ESRRB: variants seen among roughly 807,000 people sequenced by gnomAD.
ESRRB encodes the protein estrogen related receptor beta.
ESRRB carries 16 observed loss-of-function variants against 46.0 expected under a neutral mutation model. That is an observed-to-expected ratio of 0.35 (90% CI 0.24 to 0.53). The LOEUF (loss-of-function observed/expected upper bound fraction) is 0.53. Ranked by LOEUF, ESRRB falls within the 20% of genes least tolerant of loss-of-function variation. ESRRB has a pLI of 0.93. For synonymous variants in ESRRB, 246 were observed against 259.6 expected (o/e 0.95, Z 0.50); for missense variants, 488 against 607.4 (o/e 0.80, Z 2.07).
intron 1 of ESRRB, chr14:76,404,397 A>G (rs1311999692): frequency 6.6e-6 from 1 of 151,612 alleles, no homozygotes; most frequent in African/African-American, 2.4e-5. Context: ...TCCCACCAGA[A>G]TAAAAGTTTC....
intron 1 of ESRRB, among the ~76,000 whole-genome samples, chr14:76,334,402 G>A (rs1441117798): frequency 6.6e-6 from 1 of 152,182 alleles, no homozygotes; most frequent in Non-Finnish European, 1.5e-5. Context: ...AGGGCCCAGT[G>A]TACCCCTCCG....
intron 3 of ESRRB, among the ~76,000 whole-genome samples, chr14:76,468,205 C>T (rs1411153875): frequency 6.6e-6 from 1 of 151,806 alleles, no homozygotes; most frequent in Non-Finnish European, 1.5e-5. Flanking sequence ...TTTTTCTGGC[C>T]CTGTGAATGA....
chr14:76,414,475 A>G (rs1311904388), intron 1 of ESRRB, among the ~76,000 whole-genome samples: 1 of 151,076 alleles, frequency 6.6e-6, no homozygotes. Context: ...GAGGGCCCTG[A>G]GTTGTGCCCC....
intron 6 of ESRRB, among the ~76,000 whole-genome samples, chr14:76,494,263 C>G (rs1890336395): frequency 6.6e-6 from 1 of 151,266 alleles, no homozygotes; most frequent in African/African-American, 2.4e-5. Flanking sequence ...TTAGAGAATC[C>G]TAATGCTGTT....
rs559852386 is a variant in ESRRB, at chr14:76,500,158, G to T, written c.*1700G>T. ...CCGGCCTGGGCTTCTGGGCTGGGAC[G>T]TGCTGAGGTCATCCCAGACAGGAGG... is the stretch of plus-strand genomic sequence containing the variant. On this transcript the variant is annotated 3_prime_UTR_variant, in exon 7 of 7. Coordinates refer to ENST00000644823, the MANE Select transcript of ESRRB (RefSeq NM_001379180.1). 1 of 1,084,384 alleles carries T rather than the reference G, an allele frequency of 9.2e-7. No homozygotes were observed. Among genetic ancestry groups the T allele is most frequent in the African/African-American group, 1.6e-5 (1 of 63,404 alleles). The allele number at this position is 1,084,384 out of a possible 1,614,324, so 67.2% of individuals were successfully genotyped here. A position where few individuals can be genotyped will look rare whatever the true frequency, so the allele number is the denominator to read the frequency against.
chr14:76,493,661 C>T (rs892304443), intron 6 of ESRRB, among the ~76,000 whole-genome samples: 1 of 152,220 alleles, frequency 6.6e-6, no homozygotes, highest in Non-Finnish European at 1.5e-5. Context: ...TTGCTCAATA[C>T]TGTCCTGCTT....
intron 3 of ESRRB, among the ~76,000 whole-genome samples, chr14:76,466,956 G>A (rs999960245): frequency 3.3e-5 from 5 of 151,886 alleles, no homozygotes; most frequent in African/African-American, 1.2e-4. Context: ...TCTCAACCTT[G>A]TGATCTGCCC....
chr14:76,397,425 G>A (rs534647060), intron 1 of ESRRB, among the ~76,000 whole-genome samples: 13 of 152,276 alleles, frequency 8.5e-5, no homozygotes, highest in South Asian at 2.1e-4. Context: ...TGCTACCCAC[G>A]CAAAACAGCC....
In ESRRB at chr14:76,462,675, C is replaced by T. The variant is rs1051123891; in HGVS notation, c.577+14C>T. ...TGCTGAAGGAAGGTAAGAGACCCCA[C>T]CGAGTCGGGGTTCACTGTGAGGCTC... On this transcript the variant is annotated intron_variant, in intron 3 of 6. Transcript: ENST00000644823. The T allele has an allele frequency of 6.3e-6, 10 of 1,586,854 alleles. No homozygotes were observed. The highest frequency in any genetic ancestry group is 1.7e-5 in the Admixed American group (1 of 59,978).
At chr14:76,329,732 A>C (rs1331041430) in intron 1 of ESRRB, among the ~76,000 whole-genome samples, 1 of 152,102 alleles carries the variant, frequency 6.6e-6, no homozygotes, top group East Asian at 1.9e-4. Flanking sequence ...ATGGCCGCTC[A>C]GTCCGTCCTG....
chr14:76,410,269 T>A (rs1886378261), intron 1 of ESRRB, among the ~76,000 whole-genome samples: 1 of 152,080 alleles, frequency 6.6e-6, no homozygotes. Context: ...TGCTTACCAT[T>A]TTTGAGCCAT....
rs1016345886 is a variant in ESRRB, at chr14:76,501,473, G to A, written c.*3015G>A. On this transcript the variant is annotated 3_prime_UTR_variant, in exon 7 of 7. Coordinates refer to ENST00000644823, the MANE Select transcript of ESRRB (RefSeq NM_001379180.1). ...GCTGGAACCTGCACCCACCTGTGTC[G>A]GTGGGGGGGGCCTCCTTTCCCCATA... 2.7e-5 allele frequency: 4 copies of A among 150,846 alleles called. No homozygotes were observed. Among genetic ancestry groups the A allele is most frequent in the East Asian group, 1.9e-4 (1 of 5,168 alleles). The allele number at this position is 150,846 out of a possible 1,614,324, so 9.3% of individuals were successfully genotyped here.
chr14:76,477,056 C>G (rs1463116212), intron 3 of ESRRB, among the ~76,000 whole-genome samples: 1 of 152,238 alleles, frequency 6.6e-6, no homozygotes, highest in African/African-American at 2.4e-5. Context: ...CACACCACTG[C>G]AGTCCGGCCT....
upstream of ESRRB, among the ~76,000 whole-genome samples, chr14:76,368,099 C>G (rs1307881562): frequency 6.7e-6 from 1 of 149,808 alleles, no homozygotes; most frequent in South Asian, 2.1e-4. Flanking sequence ...ACTGCAGGTG[C>G]GTGACACCAT....
At chr14:76,453,994 T>TA (rs1025657276) in intron 2 of ESRRB, among the ~76,000 whole-genome samples, 3 of 152,116 alleles carry the variant, frequency 2.0e-5, no homozygotes, top group Admixed American at 6.5e-5. Flanking sequence ...ACCAGGCGAC[T>TA]AAAAAAACAA....
intron 1 of ESRRB, among the ~76,000 whole-genome samples, chr14:76,425,967 C>G (rs1887180841): frequency 6.6e-6 from 1 of 152,214 alleles, no homozygotes; most frequent in African/African-American, 2.4e-5. Flanking sequence ...TGCTGTTTCT[C>G]ATAGCACTCA....
At position 76,407,007 on chromosome 14, in the gene ESRRB, A is replaced by G. The variant is rs1011946515; in HGVS notation, c.50+30556A>G. On this transcript the variant is annotated intron_variant, in intron 1 of 6. Coordinates refer to ENST00000644823, the MANE Select transcript of ESRRB (RefSeq NM_001379180.1). The stretch of plus-strand genomic sequence containing the variant: ...CAATAAATGCGTGGTTGTTGGCACA[A>G]TGAATGAACAAATGAATAAATGAAT... Among the ~76,000 whole-genome samples, 18 of 152,348 alleles carry G rather than the reference A, an allele frequency of 1.2e-4. No individual in the cohort carries two copies. In the East Asian group the frequency reaches 3.3e-3, roughly 28 times the overall value.
chr14:76,324,046 C>T (rs918764800), intron 1 of ESRRB, among the ~76,000 whole-genome samples: 2 of 152,102 alleles, frequency 1.3e-5, no homozygotes, highest in Non-Finnish European at 2.9e-5. Context: ...TAACTTAGGT[C>T]GGAGTCTCCA....
At chr14:76,418,794 T>G (rs1886817785) in intron 1 of ESRRB, among the ~76,000 whole-genome samples, 1 of 152,138 alleles carries the variant, frequency 6.6e-6, no homozygotes, top group African/African-American at 2.4e-5. Flanking sequence ...TTTTCTATTT[T>G]TAGTAGAAAC....
Sources: gnomAD v4.1 joint callset for allele counts (sites outside exome capture counted in the v4.1 genomes callset) on GRCh38, gnomAD v4.1.1 for gene constraint, MANE v1.5 for transcripts, NCBI Gene and HGNC (gene_info 2026-07-23, HGNC 2026-07-21) for gene names.